Variants in VOPP1 observed in about 807,000 individuals in gnomAD.
VOPP1 encodes the protein VOPP1 WW domain binding protein, also known as WW domain binding protein VOPP1.
VOPP1 carries 8 observed loss-of-function variants against 23.5 expected under a neutral mutation model. The observed-to-expected ratio is 0.34, with a 90% CI of 0.20 to 0.61. The LOEUF (loss-of-function observed/expected upper bound fraction) is 0.61. VOPP1 is among the 20% of genes least tolerant of loss of function. VOPP1 has a pLI of 0.78. For missense variants in VOPP1, 174 were observed against 238.1 expected, an observed-to-expected ratio of 0.73 and a Z score of 1.77; for synonymous variants, 83 against 97.3, an observed-to-expected ratio of 0.85 and a Z score of 0.86.
At chr7:55,498,668 C>T (rs1794153779) in intron 2 of VOPP1, among the ~76,000 whole-genome samples, 1 of 152,070 alleles carries the variant, frequency 6.6e-6, no homozygotes, top group African/African-American at 2.4e-5. Flanking sequence ...AGGTTCCTGC[C>T]AGTTTTTTTC....
intron 1 of VOPP1, chr7:55,561,905 G>T: frequency 2.8e-6 from 2 of 701,922 alleles, no homozygotes; most frequent in East Asian, 2.7e-5. Flanking sequence ...GGGTCTTCAA[G>T]TATGGTGGGA....
intron 1 of VOPP1, among the ~76,000 whole-genome samples, chr7:55,550,686 C>T (rs944319601): frequency 1.3e-5 from 2 of 152,168 alleles, no homozygotes; most frequent in African/African-American, 4.8e-5. Flanking sequence ...GATTATACAG[C>T]CGCTAACAGG....
chr7:55,568,342 C>T (rs982962940), intron 1 of VOPP1, among the ~76,000 whole-genome samples: 2 of 152,204 alleles, frequency 1.3e-5, no homozygotes, highest in African/African-American at 4.8e-5. Context: ...CCCAAAGTGC[C>T]GGGATTACAG....
Position 55,502,630 on chromosome 7 carries a change from G to C in VOPP1, c.114-4940C>G, listed in dbSNP as rs955764340. Among the ~76,000 whole-genome samples the C allele has an allele frequency of 2.6e-5, 4 of 152,224 alleles. No individual in the cohort carries two copies. The East Asian group carries it at 7.7e-4, about 29-fold the overall frequency. On this transcript the variant is annotated intron_variant, in intron 2 of 4. Transcript: ENST00000285279. ...ATTGGGGCCCTAAGCACACACACCT[G>C]CTGATGTTCCAAAGAGCTGCAATTA...
intron 1 of VOPP1, among the ~76,000 whole-genome samples, chr7:55,541,963 C>T (rs555440067): frequency 6.6e-6 from 1 of 152,114 alleles, no homozygotes; most frequent in Non-Finnish European, 1.5e-5. Flanking sequence ...CTAGGAGGAA[C>T]AAAATATTCC....
rs371377501 is a variant in VOPP1 at position 55,548,035 on chromosome 7, G to A, written c.54+24236C>T. Among the ~76,000 whole-genome samples the A allele has an allele frequency of 1.6e-4, 25 of 152,274 alleles. 1 individual carries two copies. Among genetic ancestry groups the A allele is most frequent in the African/African-American group, 5.5e-4 (23 of 41,564 alleles). On this transcript the variant is annotated intron_variant, in intron 1 of 4. Transcript: ENST00000285279. ...AATACCCCGACAGCCACCTAAGACCGTGACCGCAGATTCTGGGAATGGGAG... is the reference window on the plus strand; with the variant it reads ...AATACCCCGACAGCCACCTAAGACCATGACCGCAGATTCTGGGAATGGGAG...
At chr7:55,488,833 T>C (rs551949910) in intron 4 of VOPP1, among the ~76,000 whole-genome samples, 39 of 152,330 alleles carry the variant, frequency 2.6e-4, no homozygotes, top group African/African-American at 9.1e-4. Context: ...CCACCCTGCT[T>C]TGTGCAGATG....
At chr7:55,489,538 G>A (rs776311382) in intron 4 of VOPP1, among the ~76,000 whole-genome samples, 8 of 152,260 alleles carry the variant, frequency 5.3e-5, no homozygotes, top group South Asian at 2.1e-4. Flanking sequence ...AGTTGTTTGC[G>A]TGAAAGCTCA....
chr7:55,533,439 AAAAAAAACAAAAAC>A (rs1361927873), intron 1 of VOPP1, among the ~76,000 whole-genome samples: 4 of 152,166 alleles, frequency 2.6e-5, no homozygotes. Flanking sequence ...TGTGCCAAGA[AAAAAAAACAAAAAC>A]AAAAAAACAC....
chr7:55,492,461 GC>G (rs746986852), intron 3 of VOPP1, 43 bp from the exon 4 acceptor site: 80 of 1,566,480 alleles, frequency 5.1e-5, no homozygotes, highest in Non-Finnish European at 6.7e-5. Context: ...CCAGGTGGGG[GC>G]CCTGAGGGCT....
At chr7:55,560,035 C>A (rs1272022802) in intron 1 of VOPP1, among the ~76,000 whole-genome samples, 5 of 152,194 alleles carry the variant, frequency 3.3e-5, no homozygotes, top group Non-Finnish European at 7.3e-5. Context: ...CGCCTGTAGT[C>A]CCCGCTACTT....
intron 4 of VOPP1, among the ~76,000 whole-genome samples, chr7:55,473,349 C>G (rs1791986353): frequency 6.6e-6 from 1 of 152,254 alleles, no homozygotes; most frequent in Non-Finnish European, 1.5e-5. Context: ...ATCGGAAGAG[C>G]TGCAAAGACC....
At chr7:55,556,774 C>A (rs529423444) in intron 1 of VOPP1, among the ~76,000 whole-genome samples, 2 of 152,100 alleles carry the variant, frequency 1.3e-5, no homozygotes, top group African/African-American at 4.8e-5. Context: ...TAAAGGGAAA[C>A]CATGTCAGGG....
At chr7:55,556,394 T>C (rs1797804945) in intron 1 of VOPP1, among the ~76,000 whole-genome samples, 2 of 152,182 alleles carry the variant, frequency 1.3e-5, no homozygotes, top group South Asian at 4.1e-4. Flanking sequence ...AAAATTCTCA[T>C]CTTCCAAATT....
intron 4 of VOPP1, among the ~76,000 whole-genome samples, chr7:55,446,207 A>C (rs1053898194): frequency 1.3e-5 from 2 of 152,148 alleles, no homozygotes; most frequent in Non-Finnish European, 2.9e-5. Context: ...GTTAGCCAGG[A>C]TGGTCTCAAT....
chr7:55,438,453 A>G (rs1212217126), intron 4 of VOPP1, among the ~76,000 whole-genome samples: 2 of 152,208 alleles, frequency 1.3e-5, no homozygotes, highest in Non-Finnish European at 2.9e-5. Context: ...GGATAAAGCA[A>G]GCAGGATCAG....
intron 1 of VOPP1, among the ~76,000 whole-genome samples, chr7:55,568,325 C>T (rs1014338332): frequency 6.6e-6 from 1 of 152,102 alleles, no homozygotes; most frequent in Admixed American, 6.6e-5. Context: ...GTGATCCACC[C>T]GCCTCGCCCA....
intron 1 of VOPP1, among the ~76,000 whole-genome samples, chr7:55,531,350 A>ATTT (rs11372931): frequency 7.1e-5 from 10 of 141,032 alleles, no homozygotes; most frequent in East Asian, 2.1e-4. Context: ...CTAATCCAGA[A>ATTT]TTTTTTTTTT....
intron 2 of VOPP1, among the ~76,000 whole-genome samples, chr7:55,499,174 C>T (rs987828959): frequency 2.0e-5 from 3 of 152,010 alleles, no homozygotes; most frequent in African/African-American, 7.3e-5. Context: ...TGGTCCTGGC[C>T]GGGTGCAGTG....
Sources: allele counts gnomAD v4.1 joint callset (sites outside exome capture counted in the v4.1 genomes callset), GRCh38; gene constraint gnomAD v4.1.1; transcripts MANE v1.5; gene names NCBI Gene and HGNC (gene_info 2026-07-23, HGNC 2026-07-21).